The following UNC5A variants were observed in gnomAD, a reference collection of about 807,000 sequenced individuals.
UNC5A encodes the protein netrin receptor UNC5A.
A neutral mutation model predicts 87.4 loss-of-function variants in UNC5A; 20 were observed. The observed-to-expected ratio is 0.23, with a 90% CI of 0.16 to 0.33. The LOEUF is 0.33. Among genes scored for constraint, UNC5A ranks in the 10% least tolerant of loss-of-function variants. UNC5A has a pLI of 1.00. For missense variants in UNC5A, 844 were observed against 1,133.4 expected (o/e 0.74, Z 3.67); for synonymous variants, 438 against 482.3 (o/e 0.91, Z 1.20).
intron 1 of UNC5A, among the ~76,000 whole-genome samples, chr5:176,823,549 TG>T (rs1295859366): frequency 6.6e-6 from 1 of 151,432 alleles, no homozygotes; most frequent in Admixed American, 6.6e-5. Flanking sequence ...CCGGGAAAGG[TG>T]GATTTACTTG....
intron 1 of UNC5A, among the ~76,000 whole-genome samples, chr5:176,851,117 G>A (rs1044426199): frequency 2.6e-5 from 4 of 152,334 alleles, no homozygotes; most frequent in African/African-American, 4.8e-5. Flanking sequence ...TTGAGAGCCC[G>A]GGGCACTGTA....
rs150516261 is a variant in UNC5A at position 176,843,461 on chromosome 5, G to T, written c.71-19163G>T. 9.6e-3 allele frequency among the ~76,000 whole-genome samples: 1,459 copies of T among 152,174 alleles called. 20 individuals carry two copies. The highest frequency in any genetic ancestry group is 0.033 in the African/African-American group (1,382 of 41,474). ...AAGGGGGTTGGGAGGGGGGATTGGT[G>T]CAAAGGGGCTGGCGGGAACTTTAGG... On this transcript the variant is annotated intron_variant, in intron 1 of 14. Transcript: ENST00000329542.
intron 1 of UNC5A, among the ~76,000 whole-genome samples, chr5:176,831,537 A>G (rs1426962353): frequency 6.6e-6 from 1 of 152,180 alleles, no homozygotes; most frequent in African/African-American, 2.4e-5. Flanking sequence ...TTTCTGCCCC[A>G]TGGAAGGGGC....
rs1179841774 is a variant in UNC5A, at chr5:176,875,702, G to C, written c.1378+1136G>C. 4.6e-5 allele frequency among the ~76,000 whole-genome samples: 7 copies of C among 152,088 alleles called. No individual in the cohort carries two copies. Among genetic ancestry groups the C allele is most frequent in the Non-Finnish European group, 1.0e-4 (7 of 68,012 alleles). On this transcript the variant is annotated intron_variant, in intron 8 of 14. Transcript: ENST00000329542. The surrounding 1 kb of genome is among the most constrained non-coding windows in gnomAD (Gnocchi z 5.2). Reference sequence around the variant, plus strand: ...CCACATGATACCACAGAGAAGACCTGTCCCCTGCAGGCCAGCTGCTTCAGC... The same window carrying C: ...CCACATGATACCACAGAGAAGACCTCTCCCCTGCAGGCCAGCTGCTTCAGC...
intron 6 of UNC5A, among the ~76,000 whole-genome samples, 166 bp from the exon 7 acceptor site, chr5:176,873,802 G>C (rs1277851343): frequency 3.3e-5 from 5 of 152,152 alleles, no homozygotes; most frequent in Non-Finnish European, 1.5e-5. Context: ...TACAGGGCTG[G>C]GATGCACACG....
In UNC5A at chr5:176,848,080, G is replaced by A. The variant is rs1312320169; in HGVS notation, c.71-14544G>A. 6.7e-6 allele frequency among the ~76,000 whole-genome samples: 1 copy of A among 149,622 alleles called. No individual in the cohort carries two copies. The highest frequency in any genetic ancestry group is 2.5e-5 in the African/African-American group (1 of 40,494). ...AGGAGGCATCCAGCAGCCCCTCCAGGCCCCTACTGACCAGCTGACCAGCAG... is the reference window on the plus strand; with the variant it reads ...AGGAGGCATCCAGCAGCCCCTCCAGACCCCTACTGACCAGCTGACCAGCAG... On this transcript the variant is annotated intron_variant, in intron 1 of 14. Coordinates refer to ENST00000329542, the MANE Select transcript of UNC5A (RefSeq NM_133369.3). The surrounding 1 kb of genome is among the most constrained non-coding windows in gnomAD (Gnocchi z 5.8).
At chr5:176,814,009 C>T (rs1310637594) in intron 1 of UNC5A, among the ~76,000 whole-genome samples, 3 of 152,212 alleles carry the variant, frequency 2.0e-5, no homozygotes, top group Non-Finnish European at 4.4e-5. Context: ...GTCTCCCTTG[C>T]TTCTCCCTTC....
At chr5:176,839,467 G>C (rs973442293) in intron 1 of UNC5A, among the ~76,000 whole-genome samples, 3 of 152,256 alleles carry the variant, frequency 2.0e-5, no homozygotes, top group African/African-American at 7.2e-5. Context: ...TCGTGGGGTG[G>C]GATATCAGCA....
chr5:176,877,310 G>A lies in UNC5A; in HGVS notation c.1466+31G>A, dbSNP rs758547172. ...GCCGCGGGCCCTGTTGCCGGGGGTG[G>A]GAGGGACCTGCCTGCTGCCTTCGGT... On this transcript the variant is annotated intron_variant, in intron 9 of 14. Transcript: ENST00000329542. The A allele has an allele frequency of 9.5e-6, 15 of 1,583,168 alleles. No individual in the cohort carries two copies. In the Admixed American group the frequency reaches 2.5e-4, roughly 27 times the overall value.
intron 1 of UNC5A, among the ~76,000 whole-genome samples, chr5:176,856,272 G>C (rs916675946): frequency 6.6e-6 from 1 of 152,232 alleles, no homozygotes; most frequent in Admixed American, 6.5e-5. Context: ...GTGAGGAAAG[G>C]GGCTGAGCCT....
chr5:176,849,541 C>T (rs559567273), intron 1 of UNC5A, among the ~76,000 whole-genome samples: 3 of 152,338 alleles, frequency 2.0e-5, no homozygotes, highest in South Asian at 2.1e-4. Context: ...GCCAAGATCA[C>T]GCCATTGCTC....
intron 9 of UNC5A, 103 bp downstream of exon 9, chr5:176,877,382 G>C: frequency 7.3e-7 from 1 of 1,365,990 alleles, no homozygotes. Flanking sequence ...GGCCCGAGGC[G>C]GCGGGGGAAA....
chr5:176,816,202 C>A (rs1756582697), intron 1 of UNC5A, among the ~76,000 whole-genome samples: 1 of 152,262 alleles, frequency 6.6e-6, no homozygotes, highest in South Asian at 2.1e-4. Context: ...ACCTGCCCAG[C>A]ACCTGCCACA....
intron 3 of UNC5A, 141 bp from the exon 4 acceptor site, chr5:176,868,420 G>A: frequency 6.9e-7 from 1 of 1,451,650 alleles, no homozygotes; most frequent in Non-Finnish European, 9.4e-7. Flanking sequence ...TGTGGACACG[G>A]CCCAGCCACC....
Position 176,875,903 on chromosome 5 carries a change from G to A in UNC5A, c.1379-1289G>A, listed in dbSNP as rs577541128. On this transcript the variant is annotated intron_variant, in intron 8 of 14. Transcript: ENST00000329542. This position sits in a 1 kb window ranked among gnomAD's most constrained non-coding sequence, Gnocchi z 5.2. ...TGCCGTCTGTGCCTCACGTCCACACGGATGATAACGAACCCCTCATGGGGC... is the reference window on the plus strand; with the variant it reads ...TGCCGTCTGTGCCTCACGTCCACACAGATGATAACGAACCCCTCATGGGGC... Among the ~76,000 whole-genome samples, 17 of 152,334 alleles carry A rather than the reference G, an allele frequency of 1.1e-4. No individual in the cohort carries two copies. Among genetic ancestry groups the A allele is most frequent in the South Asian group, 8.3e-4 (4 of 4,826 alleles).
chr5:176,878,424 G>A (rs776167623), intron 12 of UNC5A, 31 bp downstream of exon 12: 2 of 1,612,452 alleles, frequency 1.2e-6, no homozygotes, highest in South Asian at 2.2e-5. Flanking sequence ...CAGCGCACAA[G>A]AGGCCTGGAG....
intron 1 of UNC5A, among the ~76,000 whole-genome samples, chr5:176,834,611 G>A (rs1353258892): frequency 6.6e-6 from 1 of 150,748 alleles, no homozygotes; most frequent in Non-Finnish European, 1.5e-5. Flanking sequence ...TTTACCTAGT[G>A]GCACAAGTGC....
intron 1 of UNC5A, among the ~76,000 whole-genome samples, chr5:176,846,599 C>G (rs1408291083): frequency 1.3e-5 from 2 of 152,152 alleles, no homozygotes; most frequent in Non-Finnish European, 2.9e-5. Flanking sequence ...CAGCCCTTGT[C>G]TGACTGAACT....
At chr5:176,827,704 A>G (rs1011707972) in intron 1 of UNC5A, among the ~76,000 whole-genome samples, 3 of 151,752 alleles carry the variant, frequency 2.0e-5, no homozygotes, top group African/African-American at 7.3e-5. Context: ...AACTATGTTG[A>G]ACTTCCTGAG....
Sources: gnomAD v4.1 joint callset for allele counts (sites outside exome capture counted in the v4.1 genomes callset) on GRCh38, gnomAD v4.1.1 for gene constraint, Gnocchi (gnomAD v3.1) non-coding constraint, MANE v1.5 for transcripts, NCBI Gene and HGNC (gene_info 2026-07-23, HGNC 2026-07-21) for gene names.